C1QTNF5: variants seen among roughly 807,000 people sequenced by gnomAD.
C1QTNF5 encodes C1q and TNF related 5, also known as complement C1q tumor necrosis factor-related protein 5.
In C1QTNF5, 5 loss-of-function variants were observed where a neutral mutation model predicts 10.9. That is an observed-to-expected ratio of 0.46 (90% CI 0.24 to 0.97). The LOEUF (loss-of-function observed/expected upper bound fraction) is 0.97. Among genes scored for constraint, C1QTNF5 ranks in the 50% least tolerant of loss-of-function variants. The pLI, the probability that C1QTNF5 is intolerant of heterozygous loss-of-function variation, is 0.19. For synonymous variants in C1QTNF5, 161 were observed against 156.5 expected (o/e 1.03, Z -0.22); for missense variants, 281 against 339.4 (o/e 0.83, Z 1.35).
At chr11:119,340,110 G>A in intron 2 of C1QTNF5, 74 bp downstream of exon 2, 2 of 1,450,924 alleles carry the variant, frequency 1.4e-6, no homozygotes, top group Non-Finnish European at 1.8e-6. Flanking sequence ...CCCGAGTCCC[G>A]GACACCGGGA....
the C1QTNF5 span, chr11:119,346,281 G>A: frequency 6.2e-7 from 1 of 1,613,132 alleles, no homozygotes; most frequent in East Asian, 2.2e-5. Flanking sequence ...CCATGCCAGG[G>A]AGCTGGGACG....
upstream of C1QTNF5, chr11:119,345,910 G>T (rs199473708): frequency 3.7e-6 from 6 of 1,613,690 alleles, no homozygotes; most frequent in South Asian, 2.2e-5. Flanking sequence ...CGCCCCAGAT[G>T]GGGGTGCAGC....
upstream of C1QTNF5, chr11:119,344,233 C>G: frequency 7.6e-7 from 1 of 1,315,658 alleles, no homozygotes; most frequent in Non-Finnish European, 1.1e-6. Context: ...TAGTGTCTAC[C>G]ATGCCATTCC....
Position 119,339,952 on chromosome 11 carries a change from T to G in C1QTNF5, c.215-104A>C. On this transcript the variant is annotated intron_variant, in intron 2 of 2. Transcript: ENST00000528368. This position sits in a 1 kb window ranked among gnomAD's most constrained non-coding sequence, Gnocchi z 5.4. ...ACCCCTCCCCGCCCCTGCCTGAGCTTCGGCCAGCGCCTCCTCCCGCACGGG... is the reference window on the plus strand; with the variant it reads ...ACCCCTCCCCGCCCCTGCCTGAGCTGCGGCCAGCGCCTCCTCCCGCACGGG... 7.3e-7 allele frequency: 1 copy of G among 1,378,544 alleles called. No individual in the cohort carries two copies. Among genetic ancestry groups the G allele is most frequent in the Non-Finnish European group, 9.4e-7 (1 of 1,060,320 alleles). 85.4% of individuals were successfully genotyped at this position (1,378,544 alleles called of 1,614,324 possible).
At position 119,340,253 on chromosome 11, in the gene C1QTNF5, G is replaced by T; in HGVS notation, c.145C>A (p.Arg49Ser). The change falls in exon 2 of 3, where the codon CGC becomes AGC. Residue 49 changes from arginine (R) to serine (S), a missense_variant. Transcript: ENST00000528368. ...CCGTCGCGGCCGTCGCGGCCATCGC[G>T]GCCCGGCAAGCCCTGGCTGCCATGG... The part of the protein sequence containing the change: ...GHHGSQGLPG[R>S]DGRDGRDGAP... The T allele has an allele frequency of 1.3e-6, 2 of 1,515,970 alleles. No individual in the cohort carries two copies. The highest frequency in any genetic ancestry group is 1.8e-6 in the Non-Finnish European group (2 of 1,134,926). 93.9% of individuals were successfully genotyped at this position (1,515,970 alleles called of 1,614,324 possible). A position where few individuals can be genotyped will look rare whatever the true frequency, so the allele number is the denominator to read the frequency against.
upstream of C1QTNF5, chr11:119,343,829 T>C: frequency 3.7e-6 from 6 of 1,613,920 alleles, no homozygotes; most frequent in Non-Finnish European, 5.1e-6. Context: ...CCCAGGAGGC[T>C]GAAGGCCCCT....
At chr11:119,341,927 G>A, upstream of C1QTNF5, 1 of 1,614,052 alleles carries the variant, frequency 6.2e-7, no homozygotes, top group South Asian at 1.1e-5. Context: ...AGGGAAGGCT[G>A]TGGTGTTGTA....
chr11:119,344,098 C>G, upstream of C1QTNF5: 1 of 1,212,238 alleles, frequency 8.2e-7, no homozygotes, highest in Non-Finnish European at 1.2e-6. Context: ...TTCTTAAGGA[C>G]CTTTAATTTA....
chr11:119,343,934 C>T (rs553614519), upstream of C1QTNF5: 82 of 1,613,304 alleles, frequency 5.1e-5, no homozygotes, highest in African/African-American at 2.3e-4. Flanking sequence ...ATGCTGTGTC[C>T]GGCAGGCACC....
Position 119,339,529 on chromosome 11 carries a change from G to T in C1QTNF5, c.534C>A (p.Phe178Leu). 1 of 1,613,668 alleles carries T rather than the reference G, an allele frequency of 6.2e-7. No homozygotes were observed. Among genetic ancestry groups the T allele is most frequent in the Non-Finnish European group, 8.5e-7 (1 of 1,180,032 alleles). Residue 178 changes from phenylalanine to leucine, a missense_variant, in exon 3 of 3, where the codon TTC becomes TTA. Transcript: ENST00000528368. This position sits in a 1 kb window ranked among gnomAD's most constrained non-coding sequence, Gnocchi z 5.4. The stretch of plus-strand genomic sequence containing the variant: ...TGGGCCACCCCCCGAAAAACTGGAA[G>T]AAAGAGGCAATGGATTCGCCATTCT... Reference protein sequence around the residue: ...LVKNGESIASFFQFFGGWPKP... With the variant: ...LVKNGESIASLFQFFGGWPKP...
chr11:119,342,764 T>G, upstream of C1QTNF5: 1 of 1,613,232 alleles, frequency 6.2e-7, no homozygotes, highest in Non-Finnish European at 8.5e-7. Context: ...CCCGGGGACA[T>G]ACCTACACCC....
upstream of C1QTNF5, chr11:119,344,047 T>A: frequency 1.9e-6 from 3 of 1,538,772 alleles, no homozygotes; most frequent in Non-Finnish European, 2.7e-6. Flanking sequence ...CTTCCCCCAC[T>A]GCTGGCTGGG....
Position 119,339,804 on chromosome 11 carries a change from C to T in C1QTNF5, c.259G>A (p.Gly87Arg). Residue 87 changes from glycine (G) to arginine (R), a missense_variant, in exon 3 of 3, where the codon GGA (glycine) becomes AGA (arginine). Transcript: ENST00000528368. The surrounding 1 kb of genome is among the most constrained non-coding windows in gnomAD (Gnocchi z 5.4). ...GCAGGCCCGGTGGGCCCCGCGGGTC[C>T]CGCCTCTCCTCGCGGCCCGGGGTCC... ...RGDPGPRGEAGPAGPTGPAGE... is the reference protein window; with the variant it reads ...RGDPGPRGEARPAGPTGPAGE... 3 of 1,525,572 alleles carry T rather than the reference C, an allele frequency of 2.0e-6. No individual in the cohort carries two copies. Among genetic ancestry groups the T allele is most frequent in the Non-Finnish European group, 1.8e-6 (2 of 1,142,332 alleles). The allele number at this position is 1,525,572 out of a possible 1,614,324, so 94.5% of individuals were successfully genotyped here.
At chr11:119,344,393 T>C (rs1245503127), upstream of C1QTNF5, 1 of 1,613,136 alleles carries the variant, frequency 6.2e-7, no homozygotes, top group Non-Finnish European at 8.5e-7. Context: ...CCCCACACCC[T>C]GTAGAGAGGT....
the C1QTNF5 span, chr11:119,346,513 T>C: frequency 1.9e-6 from 3 of 1,614,052 alleles, no homozygotes; most frequent in Non-Finnish European, 2.5e-6. Context: ...AAGTCCTTCA[T>C]GGCACAAGGC....
At chr11:119,345,707 C>A (rs1950557435), upstream of C1QTNF5, 2 of 1,612,428 alleles carry the variant, frequency 1.2e-6, no homozygotes, top group Non-Finnish European at 1.7e-6. Flanking sequence ...CTCTTCCTCA[C>A]CCTCCCCTCA....
In C1QTNF5 at chr11:119,339,861, C is replaced by A. The variant is rs545270548; in HGVS notation, c.215-13G>T. 4.3e-5 allele frequency: 63 copies of A among 1,463,170 alleles called. No homozygotes were observed. In the African/African-American group the frequency reaches 7.7e-4, roughly 18 times the overall value. 90.6% of individuals were successfully genotyped at this position (1,463,170 alleles called of 1,614,324 possible). ...GGTCCCGGCAGTCCTGCGGGGTAAG[C>A]GGGGCGGCAGGGTGAGAGTAGCGGC... On this transcript the variant is annotated splice_polypyrimidine_tract_variant and intron_variant, in intron 2 of 2. Transcript: ENST00000528368. The surrounding 1 kb of genome is among the most constrained non-coding windows in gnomAD (Gnocchi z 5.4).
chr11:119,340,745 A>C lies in C1QTNF5; in HGVS notation c.-94T>G, dbSNP rs1950495291. 2 of 319,322 alleles carry C rather than the reference A, an allele frequency of 6.3e-6. No individual in the cohort carries two copies. The highest frequency in any genetic ancestry group is 6.9e-5 in the South Asian group (2 of 28,848). 19.8% of individuals were successfully genotyped at this position (319,322 alleles called of 1,614,324 possible). On this transcript the variant is annotated 5_prime_UTR_variant, in exon 1 of 3. Coordinates refer to ENST00000528368, the MANE Select transcript of C1QTNF5 (RefSeq NM_001278431.2). ...TCCTTCGGGGCGCTCGCTACTCCGG[A>C]CCCTCCAGTTGGTGGTGCTCCAGCC...
chr11:119,339,679 C>G lies in C1QTNF5; in HGVS notation c.384G>C (p.Val128=). The change falls in exon 3 of 3, where the codon GTG becomes GTC. Residue 128 remains valine (V), a synonymous_variant. Coordinates refer to ENST00000528368, the MANE Select transcript of C1QTNF5 (RefSeq NM_001278431.2). This position sits in a 1 kb window ranked among gnomAD's most constrained non-coding sequence, Gnocchi z 5.4. ...PSDAPLPFDR[V]LVNEQGHYDA... ...CGTAATGTCCCTGCTCGTTCACCAGCACGCGGTCGAAGGGCAAGGGTGCGT... is the reference window on the plus strand; with the variant it reads ...CGTAATGTCCCTGCTCGTTCACCAGGACGCGGTCGAAGGGCAAGGGTGCGT... The G allele has an allele frequency of 3.7e-6, 6 of 1,610,674 alleles. No homozygotes were observed. The highest frequency in any genetic ancestry group is 5.1e-6 in the Non-Finnish European group (6 of 1,179,886).
Sources: allele counts gnomAD v4.1 joint callset, GRCh38; gene constraint gnomAD v4.1.1; non-coding constraint Gnocchi (gnomAD v3.1); transcripts MANE v1.5; gene names NCBI Gene and HGNC (gene_info 2026-07-23, HGNC 2026-07-21).